VWC2: variants seen among roughly 807,000 people sequenced by gnomAD.
The protein encoded by VWC2 is von Willebrand factor C domain containing 2.
VWC2 carries 14 observed loss-of-function variants against 29.8 expected under a neutral mutation model. The observed-to-expected ratio is 0.47, with a 90% CI of 0.31 to 0.74. The LOEUF (loss-of-function observed/expected upper bound fraction) is 0.74. Ranked by LOEUF, VWC2 falls within the 30% of genes least tolerant of loss-of-function variation. The pLI is 0.05. For synonymous variants in VWC2, 213 were observed against 199.0 expected (o/e 1.07, Z -0.59); for missense variants, 457 against 459.8 (o/e 0.99, Z 0.05).
In VWC2 at chr7:49,875,807, G is replaced by A. The variant is rs186471912; in HGVS notation, c.827-36227G>A. On this transcript the variant is annotated intron_variant, in intron 3 of 3. Coordinates refer to ENST00000340652, the MANE Select transcript of VWC2 (RefSeq NM_198570.5). ...ACCAAAAAGTAACCATTTATTGTTAGTATTGGTATTATTATTCCTTTTTGC... is the reference window on the plus strand; with the variant it reads ...ACCAAAAAGTAACCATTTATTGTTAATATTGGTATTATTATTCCTTTTTGC... Among the ~76,000 whole-genome samples the A allele has an allele frequency of 1.4e-3, 215 of 152,278 alleles. 3 individuals carry two copies. Among genetic ancestry groups the A allele is most frequent in the East Asian group, 1.5e-3 (8 of 5,190 alleles).
chr7:49,868,435 G>C lies in VWC2; in HGVS notation c.827-43599G>C, dbSNP rs574915435. On this transcript the variant is annotated intron_variant, in intron 3 of 3. Coordinates refer to ENST00000340652, the MANE Select transcript of VWC2 (RefSeq NM_198570.5). ...TGAGATGAAGCACATCTAATTCAGA[G>C]CCACCATGTCTACCTGGGGAGTATA... 1.1e-4 allele frequency among the ~76,000 whole-genome samples: 16 copies of C among 152,220 alleles called. 1 individual carries two copies. The South Asian group carries it at 3.3e-3, about 32-fold the overall frequency.
chr7:49,775,034 G>A (rs1337343704), intron 1 of VWC2, among the ~76,000 whole-genome samples: 1 of 152,190 alleles, frequency 6.6e-6, no homozygotes, highest in Non-Finnish European at 1.5e-5. Flanking sequence ...AGGGGGGCGC[G>A]GGCCTGGCTC....
At chr7:49,858,699 T>C (rs1159040082) in intron 3 of VWC2, among the ~76,000 whole-genome samples, 1 of 149,716 alleles carries the variant, frequency 6.7e-6, no homozygotes, top group African/African-American at 2.6e-5. Flanking sequence ...ACTTAAAGTA[T>C]AATAATAATA....
intron 2 of VWC2, among the ~76,000 whole-genome samples, chr7:49,800,865 A>C (rs1788722246): frequency 6.7e-6 from 1 of 149,666 alleles, no homozygotes; most frequent in Non-Finnish European, 1.5e-5. Flanking sequence ...AAAAAAAAAA[A>C]AAAAAACCTA....
At chr7:49,806,581 T>C (rs116997566) in intron 3 of VWC2, among the ~76,000 whole-genome samples, 2 of 152,222 alleles carry the variant, frequency 1.3e-5, no homozygotes, top group African/African-American at 2.4e-5. Flanking sequence ...CGTCAAATTA[T>C]TAAACATACG....
intron 3 of VWC2, among the ~76,000 whole-genome samples, chr7:49,852,566 T>C (rs1790224065): frequency 6.6e-6 from 1 of 152,090 alleles, no homozygotes; most frequent in Non-Finnish European, 1.5e-5. Flanking sequence ...TAATGCTATT[T>C]AGTGGTTTTT....
At chr7:49,861,195 T>C (rs558776298) in intron 3 of VWC2, among the ~76,000 whole-genome samples, 4 of 152,220 alleles carry the variant, frequency 2.6e-5, no homozygotes, top group Admixed American at 6.5e-5. Context: ...GTTATTGCTA[T>C]AACCATCTTA....
intron 3 of VWC2, among the ~76,000 whole-genome samples, chr7:49,846,053 T>A (rs1372278312): frequency 6.6e-6 from 1 of 152,222 alleles, no homozygotes; most frequent in Non-Finnish European, 1.5e-5. Context: ...CCAAAAAGTA[T>A]TTCAGGCAGC....
chr7:49,875,099 C>T (rs1337574012), intron 3 of VWC2, among the ~76,000 whole-genome samples: 1 of 151,610 alleles, frequency 6.6e-6, no homozygotes, highest in Non-Finnish European at 1.5e-5. Flanking sequence ...TGGCCGGGCA[C>T]GGTGGCTCAT....
In VWC2 at chr7:49,914,682, A is replaced by G. The variant is rs1490710623; in HGVS notation, c.*2497A>G. The stretch of plus-strand genomic sequence containing the variant: ...TTTCACAAATACATAGCTATCTCAG[A>G]TTGACATTCTATTTTCCTCCCCTCT... On this transcript the variant is annotated 3_prime_UTR_variant, in exon 4 of 4. Coordinates refer to ENST00000340652, the MANE Select transcript of VWC2 (RefSeq NM_198570.5). 6.6e-6 allele frequency: 1 copy of G among 152,192 alleles called. No individual in the cohort carries two copies. The highest frequency in any genetic ancestry group is 2.4e-5 in the African/African-American group (1 of 41,440). 9.4% of individuals were successfully genotyped at this position (152,192 alleles called of 1,614,324 possible). A position where few individuals can be genotyped will look rare whatever the true frequency, so the allele number is the denominator to read the frequency against.
Position 49,888,567 on chromosome 7 carries a change from C to A in VWC2, c.827-23467C>A, listed in dbSNP as rs577499447. Reference sequence around the variant, plus strand: ...GAGATCATAGCAGGCCTCCCTGAAGCCTCAGGCAGCCTGCATCCCAGCACA... The same window carrying A: ...GAGATCATAGCAGGCCTCCCTGAAGACTCAGGCAGCCTGCATCCCAGCACA... On this transcript the variant is annotated intron_variant, in intron 3 of 3. Transcript: ENST00000340652. 5.9e-5 allele frequency among the ~76,000 whole-genome samples: 9 copies of A among 152,282 alleles called. No homozygotes were observed. The East Asian group carries it at 1.4e-3, about 23-fold the overall frequency.
At chr7:49,902,779 T>A (rs959825592) in intron 3 of VWC2, among the ~76,000 whole-genome samples, 2 of 152,198 alleles carry the variant, frequency 1.3e-5, no homozygotes, top group South Asian at 2.1e-4. Context: ...AATATAAAAT[T>A]TTTTTGAAAT....
At chr7:49,781,079 T>C (rs1583620604) in intron 2 of VWC2, among the ~76,000 whole-genome samples, 2 of 152,348 alleles carry the variant, frequency 1.3e-5, no homozygotes, top group African/African-American at 4.8e-5. Context: ...ACAATGCTAT[T>C]ATTATCCACC....
At chr7:49,850,086 G>T (rs1022677495) in intron 3 of VWC2, among the ~76,000 whole-genome samples, 2 of 152,174 alleles carry the variant, frequency 1.3e-5, no homozygotes, top group African/African-American at 2.4e-5. Flanking sequence ...ACAACATGTT[G>T]CTGTAGAAAA....
intron 3 of VWC2, among the ~76,000 whole-genome samples, chr7:49,832,251 C>T (rs1789549291): frequency 6.6e-6 from 1 of 152,048 alleles, no homozygotes; most frequent in Non-Finnish European, 1.5e-5. Flanking sequence ...ATTCCTTTAC[C>T]ACATCAAAAG....
In VWC2 at chr7:49,845,659, TCGGTG is replaced by T. The variant is rs1192811833; in HGVS notation, c.826+42820_826+42824del. On this transcript the variant is annotated intron_variant, in intron 3 of 3. Coordinates refer to ENST00000340652, the MANE Select transcript of VWC2 (RefSeq NM_198570.5). ...ATTCCTAACTTTAAAATACCAACCT[TCGGTG>T]ATACTTCAGAAGCAAATTATAATTC... 3.2e-3 allele frequency among the ~76,000 whole-genome samples: 494 copies of T among 152,304 alleles called. 6 individuals are homozygous for T. The highest frequency in any genetic ancestry group is 0.011 in the African/African-American group (461 of 41,570).
intron 3 of VWC2, among the ~76,000 whole-genome samples, chr7:49,834,687 C>T (rs1477848612): frequency 6.6e-6 from 1 of 152,104 alleles, no homozygotes; most frequent in Non-Finnish European, 1.5e-5. Context: ...ATAAAATTCC[C>T]CAGGTGCTAG....
At chr7:49,837,788 C>T (rs750917036) in intron 3 of VWC2, among the ~76,000 whole-genome samples, 6 of 152,116 alleles carry the variant, frequency 3.9e-5, no homozygotes, top group Non-Finnish European at 8.8e-5. Flanking sequence ...GAAATCTAAT[C>T]GATCGCACAA....
intron 3 of VWC2, among the ~76,000 whole-genome samples, chr7:49,906,550 ATGGTCT>A (rs527469446): frequency 4.9e-4 from 74 of 152,252 alleles, no homozygotes; most frequent in African/African-American, 1.7e-3. Context: ...GTTAGCCAGG[ATGGTCT>A]TGATCTCCTG....
Sources: gnomAD v4.1 joint callset for allele counts (sites outside exome capture counted in the v4.1 genomes callset) on GRCh38, gnomAD v4.1.1 for gene constraint, MANE v1.5 for transcripts, NCBI Gene and HGNC (gene_info 2026-07-23, HGNC 2026-07-21) for gene names.